Variants in TNFRSF11A observed in about 807,000 individuals in gnomAD.
TNFRSF11A encodes tumor necrosis factor receptor superfamily member 11A.
TNFRSF11A carries 32 observed loss-of-function variants against 55.7 expected under a neutral mutation model. The ratio of observed to expected loss-of-function variants is 0.57; its 90% CI spans 0.43 to 0.77. The LOEUF (loss-of-function observed/expected upper bound fraction) is 0.77, where lower values mean the gene tolerates loss of function less well. Among genes scored for constraint, TNFRSF11A ranks in the 30% least tolerant of loss-of-function variants. The probability of loss-of-function intolerance (pLI) is 0.00; values close to 1 mark genes in which losing one functional copy is unlikely to be tolerated. For missense variants in TNFRSF11A, 753 were observed against 809.8 expected (o/e 0.93, Z 0.85); for synonymous variants, 311 against 331.0 (o/e 0.94, Z 0.65).
chr18:62,363,349 T>C (rs1909830441), intron 7 of TNFRSF11A, among the ~76,000 whole-genome samples: 1 of 148,464 alleles, frequency 6.7e-6, no homozygotes, highest in Admixed American at 6.8e-5. Context: ...CAGTGAGCAA[T>C]GTTTGAGTGA....
intron 9 of TNFRSF11A, among the ~76,000 whole-genome samples, chr18:62,379,211 GTTATTA>G (rs1281721719): frequency 6.6e-6 from 1 of 152,190 alleles, no homozygotes; most frequent in Non-Finnish European, 1.5e-5. Flanking sequence ...TTCTGTTACT[GTTATTA>G]TTGTAGTAGG....
rs547027387 is a variant in TNFRSF11A, at chr18:62,383,352, A to T, written c.1568-1399A>T. ...CCTCAAAGGAATTTCCTACATGCGT[A>T]TCGGTATTTTAGTCAGGCCATCCAA... On this transcript the variant is annotated intron_variant, in intron 9 of 9. Transcript: ENST00000586569. This position sits in a 1 kb window ranked among gnomAD's most constrained non-coding sequence, Gnocchi z 4.2. Among the ~76,000 whole-genome samples, 3 of 152,184 alleles carry T rather than the reference A, an allele frequency of 2.0e-5. No individual in the cohort carries two copies. Among genetic ancestry groups the T allele is most frequent in the African/African-American group, 7.2e-5 (3 of 41,434 alleles).
Position 62,325,672 on chromosome 18 carries a change from G to T in TNFRSF11A, c.75+245G>T, listed in dbSNP as rs1297136703. Among the ~76,000 whole-genome samples the T allele has an allele frequency of 6.6e-6, 1 of 152,186 alleles. No individual in the cohort carries two copies. Among genetic ancestry groups the T allele is most frequent in the East Asian group, 1.9e-4 (1 of 5,172 alleles). On this transcript the variant is annotated intron_variant, in intron 1 of 9. Coordinates refer to ENST00000586569, the MANE Select transcript of TNFRSF11A (RefSeq NM_003839.4). This position sits in a 1 kb window ranked among gnomAD's most constrained non-coding sequence, Gnocchi z 4.7. Reference sequence around the variant, plus strand: ...TTGGCGGGACCGCAACACCCGAAACGGGCTCTTCCAAAAGCCCCTCTTAGC... The same window carrying T: ...TTGGCGGGACCGCAACACCCGAAACTGGCTCTTCCAAAAGCCCCTCTTAGC...
chr18:62,385,006 T>C lies in TNFRSF11A; in HGVS notation c.1823T>C (p.Val608Ala). Residue 608 changes from valine (V) to alanine (A), a missense_variant, in exon 10 of 10, where the codon GTG (valine) becomes GCG (alanine). Val to Ala is a moderately conservative substitution (Grantham distance 64). This residue lies in a region of TNFRSF11A where 567 missense variants were observed against 596.7 expected (regional missense o/e 0.95). Coordinates refer to ENST00000586569, the MANE Select transcript of TNFRSF11A (RefSeq NM_003839.4). ...LREPEKASRP[V>A]QEQGGAKA ...GAGCCGGAGAAGGCCTCGAGGCCGG[T>C]GCAGGAGCAAGGCGGGGCCAAGGCT... The C allele has an allele frequency of 6.7e-7, 1 of 1,482,724 alleles. No individual in the cohort carries two copies. The highest frequency in any genetic ancestry group is 8.9e-7 in the Non-Finnish European group (1 of 1,126,070). 91.8% of individuals were successfully genotyped at this position (1,482,724 alleles called of 1,614,324 possible).
rs565652437 is a variant in TNFRSF11A at position 62,343,855 on chromosome 18, C to G, written c.76-4313C>G. On this transcript the variant is annotated intron_variant, in intron 1 of 9. Transcript: ENST00000586569. ...ATTTGCTATGAACAGACTAATGTTC[C>G]TTATTAATTCCAGTGAGTTCTGTCA... Among the ~76,000 whole-genome samples, 7 of 152,276 alleles carry G rather than the reference C, an allele frequency of 4.6e-5. No individual in the cohort carries two copies. In the East Asian group the frequency reaches 1.3e-3, roughly 29 times the overall value.
intron 4 of TNFRSF11A, among the ~76,000 whole-genome samples, chr18:62,355,750 T>C (rs181711961): frequency 5.3e-5 from 8 of 152,360 alleles, no homozygotes; most frequent in Admixed American, 2.0e-4. Flanking sequence ...ATGAGTGGGA[T>C]TGTTTTTCCA....
intron 7 of TNFRSF11A, among the ~76,000 whole-genome samples, chr18:62,366,086 G>A (rs1440806975): frequency 1.3e-5 from 2 of 152,142 alleles, no homozygotes; most frequent in Admixed American, 1.3e-4. Context: ...CCAAAGTGCT[G>A]GCATTACAGG....
At chr18:62,336,976 G>A (rs542676464) in intron 1 of TNFRSF11A, among the ~76,000 whole-genome samples, 4 of 152,300 alleles carry the variant, frequency 2.6e-5, no homozygotes, top group South Asian at 4.1e-4. Flanking sequence ...AGTGCTGTGC[G>A]CTTTCTTTCC....
chr18:62,384,351 T>TTCCTCCCCTCC (rs1911512045), intron 9 of TNFRSF11A, among the ~76,000 whole-genome samples: 1 of 124,088 alleles, frequency 8.1e-6, no homozygotes, highest in Admixed American at 7.9e-5. Flanking sequence ...TCCCCTCCTT[T>TTCCTCCCCTCC]ACCTCCCCTC....
chr18:62,359,207 A>G (rs2145323411), intron 5 of TNFRSF11A, among the ~76,000 whole-genome samples: 1 of 152,270 alleles, frequency 6.6e-6, no homozygotes, highest in South Asian at 2.1e-4. Context: ...GCAACATAGC[A>G]AGACCCCATC....
intron 5 of TNFRSF11A, among the ~76,000 whole-genome samples, chr18:62,358,782 T>C (rs1243289262): frequency 1.3e-5 from 2 of 152,242 alleles, no homozygotes; most frequent in Non-Finnish European, 2.9e-5. Flanking sequence ...TCACATATTA[T>C]ATCCTGAAGC....
At chr18:62,377,873 T>C (rs1911004695) in intron 9 of TNFRSF11A, among the ~76,000 whole-genome samples, 1 of 152,220 alleles carries the variant, frequency 6.6e-6, no homozygotes, top group African/African-American at 2.4e-5. Flanking sequence ...CGGATCTTTT[T>C]AGGCCATCTT....
In TNFRSF11A at chr18:62,335,228, C is replaced by T. The variant is rs746713667; in HGVS notation, c.75+9801C>T. ...GTTCAAGCAATTCTCCTGCCTCAGC[C>T]TCCCAAGTAGCTGGGATGACAGGTA... On this transcript the variant is annotated intron_variant, in intron 1 of 9. Coordinates refer to ENST00000586569, the MANE Select transcript of TNFRSF11A (RefSeq NM_003839.4). Among the ~76,000 whole-genome samples the T allele has an allele frequency of 2.6e-5, 4 of 151,610 alleles. No individual in the cohort carries two copies. In the East Asian group the frequency reaches 5.8e-4, roughly 22 times the overall value.
Position 62,368,918 on chromosome 18 carries a change from A to G in TNFRSF11A, c.1001A>G (p.Glu334Gly). The G allele has an allele frequency of 6.2e-7, 1 of 1,614,250 alleles. No individual in the cohort carries two copies. The highest frequency in any genetic ancestry group is 8.5e-7 in the Non-Finnish European group (1 of 1,180,044). ...ATGCTCTCATTGGTCAGCAAGACCG[A>G]GATAGAGGAAGACAGCTTCAGACAG... ...ARMLSLVSKTEIEEDSFRQMP... is the reference protein window; with the variant it reads ...ARMLSLVSKTGIEEDSFRQMP... Residue 334 changes from glutamate (E) to glycine (G), a missense_variant, in exon 9 of 10, where the codon GAG becomes GGG. This residue lies in a region of TNFRSF11A where 567 missense variants were observed against 596.7 expected (regional missense o/e 0.95). Coordinates refer to ENST00000586569, the MANE Select transcript of TNFRSF11A (RefSeq NM_003839.4).
chr18:62,350,002 A>C (rs2046442462), intron 3 of TNFRSF11A, 65 bp downstream of exon 3: 3 of 1,603,260 alleles, frequency 1.9e-6, no homozygotes, highest in Non-Finnish European at 2.6e-6. Context: ...TTTCTATAGA[A>C]ACATTTTTAG....
At chr18:62,380,916 C>A (rs1911241023) in intron 9 of TNFRSF11A, among the ~76,000 whole-genome samples, 1 of 151,958 alleles carries the variant, frequency 6.6e-6, no homozygotes, top group African/African-American at 2.4e-5. Flanking sequence ...GATCCTCCCA[C>A]CTCAGCCTCC....
At chr18:62,366,093 C>T (rs979551327) in intron 7 of TNFRSF11A, among the ~76,000 whole-genome samples, 3 of 152,208 alleles carry the variant, frequency 2.0e-5, no homozygotes, top group Admixed American at 6.5e-5. Context: ...GCTGGCATTA[C>T]AGGTGTGAGC....
intron 3 of TNFRSF11A, among the ~76,000 whole-genome samples, chr18:62,351,518 C>T (rs2046471934): frequency 6.6e-6 from 1 of 152,128 alleles, no homozygotes; most frequent in African/African-American, 2.4e-5. Flanking sequence ...GATGTGTTTC[C>T]TTTAAGGGCT....
chr18:62,341,835 G>GTTTTTTTTTTTTTTT (rs1568475429), intron 1 of TNFRSF11A, among the ~76,000 whole-genome samples: 2 of 68,852 alleles, frequency 2.9e-5, no homozygotes. Flanking sequence ...GCTGAGAATG[G>GTTTTTTTTTTTTTTT]CTTTTTTTTT....
Sources: gnomAD v4.1 joint callset for allele counts (sites outside exome capture counted in the v4.1 genomes callset) on GRCh38, gnomAD v4.1.1 for gene constraint, gnomAD v4.1.1 regional missense constraint, Gnocchi (gnomAD v3.1) non-coding constraint, MANE v1.5 for transcripts, NCBI Gene and HGNC (gene_info 2026-07-23, HGNC 2026-07-21) for gene names.